The following CASP2 variants were observed in gnomAD, a reference collection of about 807,000 sequenced individuals.
CASP2 encodes the protein caspase 2, also known as caspase-2.
Under a neutral mutation model 54.4 loss-of-function variants are expected in CASP2, and 38 were observed. The observed-to-expected ratio is 0.70, with a 90% CI of 0.54 to 0.92. The LOEUF (loss-of-function observed/expected upper bound fraction) is 0.92, where lower values mean the gene tolerates loss of function less well. Among genes scored for constraint, CASP2 ranks in the 40% least tolerant of loss-of-function variants. The pLI, the probability that CASP2 is intolerant of heterozygous loss-of-function variation, is 0.00. For synonymous variants in CASP2, 215 were observed against 216.3 expected, an observed-to-expected ratio of 0.99 and a Z score of 0.05; for missense variants, 512 against 579.6, an observed-to-expected ratio of 0.88 and a Z score of 1.20.
intron 4 of CASP2, 65 bp from the exon 5 acceptor site, chr7:143,294,165 A>G: frequency 1.1e-6 from 1 of 901,868 alleles, no homozygotes; most frequent in Non-Finnish European, 1.9e-6. Context: ...CTGAAGTTAC[A>G]ATGACATATT....
At chr7:143,288,582 G>A in intron 1 of CASP2, 53 bp downstream of exon 1, 1 of 1,497,378 alleles carries the variant, frequency 6.7e-7, no homozygotes, top group Non-Finnish European at 9.2e-7. Flanking sequence ...GAAGGGGAGC[G>A]TGGCCCCCAG....
At chr7:143,302,801 A>T (rs1421409060) in intron 8 of CASP2, 1 of 152,182 alleles carries the variant, frequency 6.6e-6, no homozygotes, top group Non-Finnish European at 1.5e-5. Flanking sequence ...AAATAAAACA[A>T]CATCATCAAA....
At chr7:143,303,547 G>C in intron 8 of CASP2, 3 of 459,842 alleles carry the variant, frequency 6.5e-6, no homozygotes, top group South Asian at 6.5e-5. Flanking sequence ...GCATAGATGT[G>C]CATGTGCTTG....
chr7:143,291,473 T>C, intron 1 of CASP2, 67 bp from the exon 2 acceptor site: 1 of 1,476,882 alleles, frequency 6.8e-7, no homozygotes, highest in Non-Finnish European at 9.5e-7. Flanking sequence ...TATTCATGCC[T>C]CTTCCACTCC....
At chr7:143,302,552 A>C (rs1231863934) in intron 8 of CASP2, 2 of 152,130 alleles carry the variant, frequency 1.3e-5, no homozygotes, top group Non-Finnish European at 2.9e-5. Flanking sequence ...TCTTCACTCT[A>C]TCCCTAGGCC....
At position 143,303,905 on chromosome 7, in the gene CASP2, CATG is replaced by C. The variant is rs1278580699; in HGVS notation, c.1092_1094del (p.Met364del). 5 of 1,607,936 alleles carry C rather than the reference CATG, an allele frequency of 3.1e-6. No individual in the cohort carries two copies. The highest frequency in any genetic ancestry group is 4.2e-6 in the Non-Finnish European group (5 of 1,177,004). On this transcript the variant is annotated inframe_deletion, in exon 9 of 11. Coordinates refer to ENST00000310447, the MANE Select transcript of CASP2 (RefSeq NM_032982.4). ...AGATGAGACTGCCCACGCGCTCAGA[CATG>C]ATATGCGGCTATGCCTGCCTCAAAG...
intron 1 of CASP2, among the ~76,000 whole-genome samples, chr7:143,289,068 G>A (rs1171299921): frequency 6.6e-6 from 1 of 152,188 alleles, no homozygotes; most frequent in Non-Finnish European, 1.5e-5. Context: ...GGGGGTTCCT[G>A]TGGCTCCGAG....
intron 9 of CASP2, 90 bp downstream of exon 9, chr7:143,304,023 A>T (rs1801996356): frequency 1.6e-6 from 2 of 1,247,550 alleles, no homozygotes; most frequent in South Asian, 2.6e-5. Context: ...AGTATCCCTT[A>T]TCTGAAGTGT....
At chr7:143,294,117 G>A (rs1379928003) in intron 4 of CASP2, 113 bp from the exon 5 acceptor site, 2 of 744,598 alleles carry the variant, frequency 2.7e-6, no homozygotes, top group Non-Finnish European at 4.9e-6. Context: ...GGTAGTGAGT[G>A]AGACCAATAT....
chr7:143,290,456 G>A (rs985858467), intron 1 of CASP2, among the ~76,000 whole-genome samples: 4 of 152,146 alleles, frequency 2.6e-5, no homozygotes, highest in African/African-American at 7.2e-5. Context: ...CTGCTATCAG[G>A]TGCCACCCTT....
In CASP2 at chr7:143,292,487, T is replaced by TG. The variant is rs1201508652; in HGVS notation, c.393+24dup. ...CCACCGGTATGAAGCTTTAGTAATA[T>TG]GGGGTGTTGGGAAGGGTTAGTTTGA... is the stretch of plus-strand genomic sequence containing the variant. On this transcript the variant is annotated intron_variant, in intron 3 of 10. Transcript: ENST00000310447. 5.6e-6 allele frequency: 9 copies of TG among 1,613,656 alleles called. No individual in the cohort carries two copies. Among genetic ancestry groups the TG allele is most frequent in the Non-Finnish European group, 7.6e-6 (9 of 1,179,752 alleles).
intron 1 of CASP2, 139 bp downstream of exon 1, chr7:143,288,668 C>A (rs1319545929): frequency 2.5e-6 from 2 of 808,438 alleles, no homozygotes; most frequent in Non-Finnish European, 3.9e-6. Context: ...AAGGGTGGGA[C>A]GCCCGCCCGA....
chr7:143,300,064 T>C lies in CASP2; in HGVS notation c.876+13T>C. Reference sequence around the variant, plus strand: ...GAAACTGCTCCAGGTGCGGATACCCTGGTGGAAGCCAACTGTTGAAACCAG... The same window carrying C: ...GAAACTGCTCCAGGTGCGGATACCCCGGTGGAAGCCAACTGTTGAAACCAG... On this transcript the variant is annotated intron_variant, in intron 7 of 10. Coordinates refer to ENST00000310447, the MANE Select transcript of CASP2 (RefSeq NM_032982.4). 6.2e-7 allele frequency: 1 copy of C among 1,614,096 alleles called. No homozygotes were observed. Among genetic ancestry groups the C allele is most frequent in the Non-Finnish European group, 8.5e-7 (1 of 1,180,016 alleles).
At chr7:143,293,458 A>G (rs374938143) in intron 4 of CASP2, among the ~76,000 whole-genome samples, 3 of 151,560 alleles carry the variant, frequency 2.0e-5, no homozygotes, top group East Asian at 3.9e-4. Context: ...AACAGTTGTC[A>G]GTAAATTTGT....
In CASP2 at chr7:143,292,585, G is replaced by A. The variant is rs1034383201; in HGVS notation, c.394-32G>A. 1.1e-5 allele frequency: 17 copies of A among 1,609,530 alleles called. No homozygotes were observed. The African/African-American group carries it at 2.0e-4, about 19-fold the overall frequency. ...TATTTGGACCGGACCACTTCCCTAA[G>A]GTCTGTCATCATGAGTTTTGATTTC... On this transcript the variant is annotated intron_variant, in intron 3 of 10. Coordinates refer to ENST00000310447, the MANE Select transcript of CASP2 (RefSeq NM_032982.4).
intron 8 of CASP2, chr7:143,301,914 A>T (rs1169858355): frequency 6.6e-6 from 1 of 152,228 alleles, no homozygotes; most frequent in Non-Finnish European, 1.5e-5. Flanking sequence ...AAATAATGTG[A>T]TGAATTGTTT....
chr7:143,293,200 T>C (rs1801638498), intron 4 of CASP2: 3 of 644,340 alleles, frequency 4.7e-6, no homozygotes, highest in African/African-American at 3.7e-5. Context: ...CCACCATAGC[T>C]CACTGCAGCG....
intron 1 of CASP2, chr7:143,289,528 A>C: frequency 1.7e-6 from 1 of 601,944 alleles, no homozygotes; most frequent in Non-Finnish European, 2.1e-6. Context: ...AGGCCCTCTA[A>C]AGAAAACAGG....
At chr7:143,296,027 G>C (rs1801736025) in intron 6 of CASP2, among the ~76,000 whole-genome samples, 1 of 152,186 alleles carries the variant, frequency 6.6e-6, no homozygotes. Flanking sequence ...TCTTTTACTA[G>C]AAATCTATTA....
Sources: gnomAD v4.1 joint callset for allele counts (sites outside exome capture counted in the v4.1 genomes callset) on GRCh38, gnomAD v4.1.1 for gene constraint, MANE v1.5 for transcripts, NCBI Gene and HGNC (gene_info 2026-07-23, HGNC 2026-07-21) for gene names.